Variants in TPR observed in about 807,000 individuals in gnomAD.
The protein encoded by TPR is translocated promoter region, nuclear basket protein.
Under a neutral mutation model 316.1 loss-of-function variants are expected in TPR, and 51 were observed. The observed-to-expected ratio is 0.16, with a 90% CI of 0.13 to 0.20. TPR has a LOEUF of 0.20. TPR is among the 10% of genes least tolerant of loss of function. TPR has a pLI of 1.00. For missense variants in TPR, 2,272 were observed against 2,754.8 expected, an observed-to-expected ratio of 0.82 and a Z score of 3.92; for synonymous variants, 981 against 914.7, an observed-to-expected ratio of 1.07 and a Z score of -1.31.
At position 186,332,331 on chromosome 1, in the gene TPR, G is replaced by C; in HGVS notation, c.5468C>G (p.Pro1823Arg). ...TGTACGCTTTGGCAAAGAAGAACTG[G>C]GGGTAGCCGAAACTTTGAAATTATA... ...TAVFGTVSAT[P>R]SSSLPKRTRE... The change falls in exon 38 of 51, where the codon CCC becomes CGC. Residue 1823 changes from proline to arginine, a missense_variant. By Grantham distance (103) the Pro-to-Arg change is moderately radical (BLOSUM62 -2). Around this residue, in one of 10 missense-constraint regions of TPR, gnomAD observed 435 missense variants for 461.1 expected, o/e 0.94. Coordinates refer to ENST00000367478, the MANE Select transcript of TPR (RefSeq NM_003292.3). 6.2e-7 allele frequency: 1 copy of C among 1,612,066 alleles called. No homozygotes were observed.
chr1:186,346,860 G>A (rs1194751219), intron 22 of TPR, among the ~76,000 whole-genome samples: 1 of 152,118 alleles, frequency 6.6e-6, no homozygotes, highest in Non-Finnish European at 1.5e-5. Context: ...ATTTATAACT[G>A]TATCCCCTCA....
At chr1:186,346,932 A>G (rs531901759) in intron 22 of TPR, among the ~76,000 whole-genome samples, 1 of 150,618 alleles carries the variant, frequency 6.6e-6, no homozygotes, top group Non-Finnish European at 1.5e-5. Flanking sequence ...GGTTCCCATC[A>G]CGTAAAATAC....
In TPR at chr1:186,313,332, T is replaced by A. The variant is rs935924738; in HGVS notation, c.*639A>T. 8.5e-5 allele frequency: 27 copies of A among 317,872 alleles called. No individual in the cohort carries two copies. The highest frequency in any genetic ancestry group is 1.9e-4 in the Admixed American group (4 of 21,516). The allele number at this position is 317,872 out of a possible 1,614,324, so 19.7% of individuals were successfully genotyped here. On this transcript the variant is annotated 3_prime_UTR_variant, in exon 51 of 51. Transcript: ENST00000367478. ...TGAAATGCCCAGAAATCTAAGTTAT[T>A]CTGCCTGTAATTTCATAATATGAAT...
At chr1:186,330,028 A>G (rs1449087215) in intron 39 of TPR, among the ~76,000 whole-genome samples, 1 of 152,138 alleles carries the variant, frequency 6.6e-6, no homozygotes, top group East Asian at 1.9e-4. Flanking sequence ...AAATTAGTTA[A>G]TAAATAAAAA....
Position 186,323,703 on chromosome 1 carries a change from A to G in TPR, c.6280T>C (p.Leu2094=), listed in dbSNP as rs1657835209. The G allele has an allele frequency of 2.7e-6, 4 of 1,498,912 alleles. No homozygotes were observed. Among genetic ancestry groups the G allele is most frequent in the African/African-American group, 1.5e-5 (1 of 67,348 alleles). 92.9% of individuals were successfully genotyped at this position (1,498,912 alleles called of 1,614,324 possible). ...TTTAATACCTGAACTGGTGGTCCCAACTCCTGAGGTGGGGCATGAATGGTC... is the reference window on the plus strand; with the variant it reads ...TTTAATACCTGAACTGGTGGTCCCAGCTCCTGAGGTGGGGCATGAATGGTC... ...RLTIHAPPQE[L]GPPVQRIQMT... The change falls in exon 43 of 51, where the codon TTG becomes CTG. Residue 2094 remains leucine, a synonymous_variant. Transcript: ENST00000367478.
intron 30 of TPR, 149 bp downstream of exon 30, chr1:186,339,493 A>C: frequency 2.1e-6 from 1 of 472,108 alleles, no homozygotes. Context: ...TCACTGCTTG[A>C]CTCTACAAAG....
In TPR at chr1:186,358,720, C is replaced by A. The variant is rs969631726; in HGVS notation, c.1390-70G>T. The A allele has an allele frequency of 8.7e-6, 11 of 1,264,124 alleles. No individual in the cohort carries two copies. In the East Asian group the frequency reaches 2.6e-4, roughly 30 times the overall value. The allele number at this position is 1,264,124 out of a possible 1,614,324, so 78.3% of individuals were successfully genotyped here. A position where few individuals can be genotyped will look rare whatever the true frequency, so the allele number is the denominator to read the frequency against. On this transcript the variant is annotated intron_variant, in intron 12 of 50. Coordinates refer to ENST00000367478, the MANE Select transcript of TPR (RefSeq NM_003292.3). ...GATTTATACAAGTAATAAAGACATA[C>A]AATACTCAAACACCACCAGTAATCA...
intron 21 of TPR, among the ~76,000 whole-genome samples, chr1:186,348,150 G>C (rs569906733): frequency 3.8e-4 from 58 of 152,204 alleles, no homozygotes; most frequent in African/African-American, 1.3e-3. Flanking sequence ...TGTTGCAGAG[G>C]GCCTATAAAC....
At chr1:186,349,632 C>T (rs1258378718) in intron 21 of TPR, among the ~76,000 whole-genome samples, 1 of 150,872 alleles carries the variant, frequency 6.6e-6, no homozygotes, top group Non-Finnish European at 1.5e-5. Flanking sequence ...TGCACTCCAA[C>T]CTGGGCAACA....
At chr1:186,324,065 G>A (rs951605722) in intron 42 of TPR, among the ~76,000 whole-genome samples, 195 bp from the exon 43 acceptor site, 3 of 152,196 alleles carry the variant, frequency 2.0e-5, no homozygotes, top group Non-Finnish European at 4.4e-5. Context: ...TATTCGCTGT[G>A]TGGCTTTGGG....
At chr1:186,344,922 G>A (rs894199330) in intron 24 of TPR, among the ~76,000 whole-genome samples, 6 of 152,006 alleles carry the variant, frequency 3.9e-5, no homozygotes, top group East Asian at 1.9e-4. Context: ...CAATATACAC[G>A]TCACATATAT....
chr1:186,340,901 A>C, intron 29 of TPR, 127 bp downstream of exon 29: 1 of 1,214,196 alleles, frequency 8.2e-7, no homozygotes, highest in Non-Finnish European at 1.1e-6. Context: ...TATTAATAAC[A>C]TAATAGACTT....
chr1:186,357,355 C>A, intron 14 of TPR, 42 bp downstream of exon 14: 1 of 1,598,022 alleles, frequency 6.3e-7, no homozygotes. Flanking sequence ...CTGAGGTTTT[C>A]ATAAATGTTT....
chr1:186,357,776 A>G (rs1659071414), intron 13 of TPR, among the ~76,000 whole-genome samples, 153 bp from the exon 14 acceptor site: 1 of 152,228 alleles, frequency 6.6e-6, no homozygotes, highest in Non-Finnish European at 1.5e-5. Context: ...CTTGGATATT[A>G]AAATCTAAAC....
rs144723999 is a variant in TPR at position 186,367,969 on chromosome 1, C to T, written c.344G>A (p.Arg115Lys). 5 of 1,609,584 alleles carry T rather than the reference C, an allele frequency of 3.1e-6. No homozygotes were observed. The highest frequency in any genetic ancestry group is 4.2e-6 in the Non-Finnish European group (5 of 1,179,088). The change falls in exon 4 of 51, where the codon AGA becomes AAA. Residue 115 changes from arginine (R) to lysine (K), a missense_variant. By Grantham distance (26) the Arg-to-Lys change is conservative. Around this residue, in one of 10 missense-constraint regions of TPR, gnomAD observed 549 missense variants for 598.6 expected, o/e 0.92. Transcript: ENST00000367478. ...RNIAIQSQFTRTKEELEAEKR... is the reference protein window; with the variant it reads ...RNIAIQSQFTKTKEELEAEKR... ...CTCAGCTTCTAATTCTTCCTTTGTT[C>T]TTGTAAATTGGCTCTGTCATATAAA...
rs1657460963 is a variant in TPR at position 186,313,787 on chromosome 1, G to A, written c.*184C>T. On this transcript the variant is annotated 3_prime_UTR_variant, in exon 51 of 51. Coordinates refer to ENST00000367478, the MANE Select transcript of TPR (RefSeq NM_003292.3). Reference sequence around the variant, plus strand: ...GGTACAACTGTCCTTAGACTGATGAGCAAAGGAGGAGTCAACTAATGAAGA... The same window carrying A: ...GGTACAACTGTCCTTAGACTGATGAACAAAGGAGGAGTCAACTAATGAAGA... 6 of 1,574,680 alleles carry A rather than the reference G, an allele frequency of 3.8e-6. No homozygotes were observed. The African/African-American group carries it at 5.4e-5, about 14-fold the overall frequency.
At chr1:186,330,538 T>TATA (rs1658127512) in intron 39 of TPR, among the ~76,000 whole-genome samples, 1 of 152,064 alleles carries the variant, frequency 6.6e-6, no homozygotes, top group South Asian at 2.1e-4. Context: ...GTATATTATA[T>TATA]ATATTTACCT....
intron 6 of TPR, 73 bp from the exon 7 acceptor site, chr1:186,362,453 T>C: frequency 3.3e-6 from 4 of 1,221,196 alleles, no homozygotes; most frequent in Non-Finnish European, 4.7e-6. Context: ...AGGTTTATGC[T>C]GCTAAGGAAA....
chr1:186,375,033 G>C lies in TPR; in HGVS notation c.-5C>G. ...TTGCTGCAACACCGCCGCCATGTCG[G>C]TGGGGCCAGGGACCCCAGTGGCAGC... On this transcript the variant is annotated 5_prime_UTR_variant, in exon 1 of 51. Coordinates refer to ENST00000367478, the MANE Select transcript of TPR (RefSeq NM_003292.3). 1 of 1,614,024 alleles carries C rather than the reference G, an allele frequency of 6.2e-7. No homozygotes were observed. Among genetic ancestry groups the C allele is most frequent in the Non-Finnish European group, 8.5e-7 (1 of 1,180,044 alleles).
Sources: allele counts gnomAD v4.1 joint callset (sites outside exome capture counted in the v4.1 genomes callset), GRCh38; gene constraint gnomAD v4.1.1; regional missense constraint gnomAD v4.1.1; transcripts MANE v1.5; gene names NCBI Gene and HGNC (gene_info 2026-07-23, HGNC 2026-07-21).